LY6D: variants seen among roughly 807,000 people sequenced by gnomAD.
The protein encoded by LY6D is lymphocyte antigen 6 family member D, also known as lymphocyte antigen 6D.
LY6D carries 7 observed loss-of-function variants against 5.6 expected under a neutral mutation model. The ratio of observed to expected loss-of-function variants is 1.24; its 90% CI spans 0.71 to 2.34. The LOEUF (loss-of-function observed/expected upper bound fraction) is 2.34. LY6D is among the 30% of genes most tolerant of loss of function. The pLI is 0.00. For synonymous variants in LY6D, 81 were observed against 75.0 expected, an observed-to-expected ratio of 1.08 and a Z score of -0.41; for missense variants, 148 against 164.8, an observed-to-expected ratio of 0.90 and a Z score of 0.56.
At chr8:142,786,227 C>T in intron 1 of LY6D, 1 of 1,347,568 alleles carries the variant, frequency 7.4e-7, no homozygotes. Context: ...ACCCCCTGCT[C>T]CACTCTCTCA....
At chr8:142,785,803 C>T (rs1563844481) in intron 1 of LY6D, 116 bp from the exon 2 acceptor site, 2 of 1,485,360 alleles carry the variant, frequency 1.3e-6, no homozygotes, top group Non-Finnish European at 9.0e-7. Context: ...CTGCCCTTGC[C>T]CTAGGCCCCC....
Position 142,785,577 on chromosome 8 carries a change from G to T in LY6D, c.151+12C>A. On this transcript the variant is annotated intron_variant, in intron 2 of 2. Coordinates refer to ENST00000301263, the MANE Select transcript of LY6D (RefSeq NM_003695.3). ...CCCCAGCCCCAGGGACACCTGGACA[G>T]ATGCTACCCACCTGTGTTCGTGGTC... The T allele has an allele frequency of 6.2e-7, 1 of 1,613,352 alleles. No individual in the cohort carries two copies. Among genetic ancestry groups the T allele is most frequent in the Non-Finnish European group, 8.5e-7 (1 of 1,179,756 alleles).
Position 142,786,469 on chromosome 8 carries a change from C to T in LY6D, c.48G>A (p.Gly16=), listed in dbSNP as rs2130143292. 6.5e-7 allele frequency: 1 copy of T among 1,535,398 alleles called. No homozygotes were observed. Among genetic ancestry groups the T allele is most frequent in the Non-Finnish European group, 8.8e-7 (1 of 1,138,578 alleles). ...LLLAALAVAT[G]PALTLRCHVC... ...CCCCTTGGCCCAGCCCCTCACCTGG[C>T]CCTGTAGCCACAGCCAGGGCTGCAA... Residue 16 remains glycine, a synonymous_variant, in exon 1 of 3, where the codon GGG becomes GGA. Coordinates refer to ENST00000301263, the MANE Select transcript of LY6D (RefSeq NM_003695.3).
Position 142,785,145 on chromosome 8 carries a change from G to A in LY6D, c.*76C>T. The A allele has an allele frequency of 8.2e-7, 1 of 1,215,730 alleles. No individual in the cohort carries two copies. Among genetic ancestry groups the A allele is most frequent in the Non-Finnish European group, 1.1e-6 (1 of 873,824 alleles). 75.3% of individuals were successfully genotyped at this position (1,215,730 alleles called of 1,614,324 possible). ...GCCTGGGGCTCCTGGCACCCCCGTT[G>A]CGGCTGGGGAAGAGAGGTGTGGAAT... On this transcript the variant is annotated 3_prime_UTR_variant, in exon 3 of 3. Coordinates refer to ENST00000301263, the MANE Select transcript of LY6D (RefSeq NM_003695.3).
rs1276933072 is a variant in LY6D, at chr8:142,785,017, T to C, written c.*204A>G. ...CCATGCAGCTGGGGGCTGCATCCTCTGTGGGGTGGCTTCATCCTCTGTGGG... is the reference window on the plus strand; with the variant it reads ...CCATGCAGCTGGGGGCTGCATCCTCCGTGGGGTGGCTTCATCCTCTGTGGG... On this transcript the variant is annotated 3_prime_UTR_variant, in exon 3 of 3. Coordinates refer to ENST00000301263, the MANE Select transcript of LY6D (RefSeq NM_003695.3). 6 of 573,394 alleles carry C rather than the reference T, an allele frequency of 1.0e-5. No homozygotes were observed. The highest frequency in any genetic ancestry group is 9.0e-5 in the Admixed American group (3 of 33,366). The allele number at this position is 573,394 out of a possible 1,614,324, so 35.5% of individuals were successfully genotyped here. A position where few individuals can be genotyped will look rare whatever the true frequency, so the allele number is the denominator to read the frequency against.
Position 142,785,031 on chromosome 8 carries a change from A to C in LY6D, c.*190T>G, listed in dbSNP as rs1466349721. On this transcript the variant is annotated 3_prime_UTR_variant, in exon 3 of 3. Transcript: ENST00000301263. Reference sequence around the variant, plus strand: ...GCTGCATCCTCTGTGGGGTGGCTTCATCCTCTGTGGGGTCTGTGGGGCCTG... The same window carrying C: ...GCTGCATCCTCTGTGGGGTGGCTTCCTCCTCTGTGGGGTCTGTGGGGCCTG... 6.9e-6 allele frequency: 4 copies of C among 583,726 alleles called. No individual in the cohort carries two copies. Among genetic ancestry groups the C allele is most frequent in the Non-Finnish European group, 9.1e-6 (3 of 328,620 alleles). 36.2% of individuals were successfully genotyped at this position (583,726 alleles called of 1,614,324 possible).
Position 142,786,098 on chromosome 8 carries a change from A to C in LY6D, c.52+367T>G, listed in dbSNP as rs2130142576. Reference sequence around the variant, plus strand: ...AGCTTGGCTGCTCTGAGCCTATGACAGGAAGGGCTTGGTGGCCTTTGGGCT... The same window carrying C: ...AGCTTGGCTGCTCTGAGCCTATGACCGGAAGGGCTTGGTGGCCTTTGGGCT... On this transcript the variant is annotated intron_variant, in intron 1 of 2. Coordinates refer to ENST00000301263, the MANE Select transcript of LY6D (RefSeq NM_003695.3). The C allele has an allele frequency of 3.4e-6, 4 of 1,193,802 alleles. No individual in the cohort carries two copies. The South Asian group carries it at 1.1e-4, about 32-fold the overall frequency. The allele number at this position is 1,193,802 out of a possible 1,614,324, so 74.0% of individuals were successfully genotyped here.
At position 142,785,040 on chromosome 8, in the gene LY6D, G is replaced by T; in HGVS notation, c.*181C>A. Reference sequence around the variant, plus strand: ...TCTGTGGGGTGGCTTCATCCTCTGTGGGGTCTGTGGGGCCTGCTCCAAGTC... The same window carrying T: ...TCTGTGGGGTGGCTTCATCCTCTGTTGGGTCTGTGGGGCCTGCTCCAAGTC... On this transcript the variant is annotated 3_prime_UTR_variant, in exon 3 of 3. Coordinates refer to ENST00000301263, the MANE Select transcript of LY6D (RefSeq NM_003695.3). 1 of 594,634 alleles carries T rather than the reference G, an allele frequency of 1.7e-6. No homozygotes were observed. Among genetic ancestry groups the T allele is most frequent in the Non-Finnish European group, 3.0e-6 (1 of 335,074 alleles). 36.8% of individuals were successfully genotyped at this position (594,634 alleles called of 1,614,324 possible).
At chr8:142,786,034 T>C in intron 1 of LY6D, 1 of 1,205,950 alleles carries the variant, frequency 8.3e-7, no homozygotes, top group East Asian at 4.3e-5. Flanking sequence ...ATGGCTATGT[T>C]TCTGAGGGCC....
rs373260770 is a variant in LY6D at position 142,786,527 on chromosome 8, G to A, written c.-11C>T. 3.2e-6 allele frequency: 5 copies of A among 1,540,916 alleles called. No individual in the cohort carries two copies. The highest frequency in any genetic ancestry group is 4.4e-6 in the Non-Finnish European group (5 of 1,138,792). ...CAATGCTGTCCTCATCTCTGATGTC[G>A]TCTGGGAGCAGTGCGGGCCCCTGCA... On this transcript the variant is annotated 5_prime_UTR_variant, in exon 1 of 3. The change creates a new upstream start codon in the 5' untranslated region. Transcript: ENST00000301263.
intron 1 of LY6D, chr8:142,785,888 C>T (rs967427731): frequency 1.7e-5 from 24 of 1,419,654 alleles, no homozygotes; most frequent in East Asian, 2.6e-5. Flanking sequence ...CAGCCTGGGC[C>T]GGCTTGGAAG....
chr8:142,785,014 C>A lies in LY6D; in HGVS notation c.*207G>T, dbSNP rs972961043. 5.3e-6 allele frequency: 3 copies of A among 567,028 alleles called. No homozygotes were observed. In the African/African-American group the frequency reaches 5.6e-5, roughly 11 times the overall value. 35.1% of individuals were successfully genotyped at this position (567,028 alleles called of 1,614,324 possible). A position where few individuals can be genotyped will look rare whatever the true frequency, so the allele number is the denominator to read the frequency against. ...CTTCCATGCAGCTGGGGGCTGCATC[C>A]TCTGTGGGGTGGCTTCATCCTCTGT... On this transcript the variant is annotated 3_prime_UTR_variant, in exon 3 of 3. Coordinates refer to ENST00000301263, the MANE Select transcript of LY6D (RefSeq NM_003695.3).
rs1196348632 is a variant in LY6D, at chr8:142,785,226, G to A, written c.382C>T (p.Leu128=). Residue 128 remains leucine, a synonymous_variant, in exon 3 of 3, where the codon CTG becomes TTG. Transcript: ENST00000301263. The part of the protein sequence containing the change: ...SLLAVILAPS[L] The stretch of plus-strand genomic sequence containing the variant: ...GGCCTTCCCTGGGGGGAAGGTCACA[G>A]GCTGGGGGCTAAGATGACGGCCAGG... The A allele has an allele frequency of 6.2e-6, 10 of 1,602,706 alleles. No homozygotes were observed. Among genetic ancestry groups the A allele is most frequent in the South Asian group, 1.1e-5 (1 of 90,770 alleles).
Position 142,785,211 on chromosome 8 carries a change from G to T in LY6D, c.*10C>A, listed in dbSNP as rs779305808. On this transcript the variant is annotated 3_prime_UTR_variant, in exon 3 of 3. Coordinates refer to ENST00000301263, the MANE Select transcript of LY6D (RefSeq NM_003695.3). ...AGGAAAGGCATGAGGGGCCTTCCCT[G>T]GGGGGAAGGTCACAGGCTGGGGGCT... The T allele has an allele frequency of 3.8e-6, 6 of 1,582,014 alleles. No homozygotes were observed. Among genetic ancestry groups the T allele is most frequent in the South Asian group, 1.1e-5 (1 of 89,924 alleles).
intron 1 of LY6D, 144 bp downstream of exon 1, chr8:142,786,321 A>G: frequency 7.3e-7 from 1 of 1,377,356 alleles, no homozygotes; most frequent in Non-Finnish European, 9.4e-7. Flanking sequence ...TTCGGGCTCC[A>G]TGTTGTTTTA....
intron 2 of LY6D, 66 bp from the exon 3 acceptor site, chr8:142,785,522 C>T (rs990251073): frequency 6.2e-7 from 1 of 1,601,478 alleles, no homozygotes; most frequent in Non-Finnish European, 8.5e-7. Flanking sequence ...CACAACCTTC[C>T]AGCCAACACC....
At chr8:142,786,073 A>G in intron 1 of LY6D, 11 of 1,191,244 alleles carry the variant, frequency 9.2e-6, no homozygotes, top group Non-Finnish European at 1.1e-5. Context: ...GGGGGCAGCC[A>G]GCTTGGCTGC....
At position 142,786,140 on chromosome 8, in the gene LY6D, G is replaced by C. The variant is rs767590990; in HGVS notation, c.52+325C>G. On this transcript the variant is annotated intron_variant, in intron 1 of 2. Coordinates refer to ENST00000301263, the MANE Select transcript of LY6D (RefSeq NM_003695.3). ...CTTTGGGCTGTCCTGGGCTGTGCTG[G>C]GGGAGACCTGGGGACCGGGAGGGGC... The C allele has an allele frequency of 1.4e-3, 1,766 of 1,238,474 alleles. 3 individuals are homozygous for C. The highest frequency in any genetic ancestry group is 1.7e-3 in the Non-Finnish European group (1,662 of 987,308). 76.7% of individuals were successfully genotyped at this position (1,238,474 alleles called of 1,614,324 possible). A position where few individuals can be genotyped will look rare whatever the true frequency, so the allele number is the denominator to read the frequency against.
intron 1 of LY6D, 35 bp downstream of exon 1, chr8:142,786,430 G>GGCCCCCCCCCCCGCCCCCGGGGCCCC: frequency 7.0e-7 from 1 of 1,434,870 alleles, no homozygotes; most frequent in Non-Finnish European, 9.4e-7. Context: ...GGCCACAGCC[G>GGCCCCCCCCCCCGCCCCCGGGGCCCC]CCCACCCGCC....
Sources: gnomAD v4.1 joint callset for allele counts on GRCh38, gnomAD v4.1.1 for gene constraint, MANE v1.5 for transcripts, NCBI Gene and HGNC (gene_info 2026-07-23, HGNC 2026-07-21) for gene names.